The following VRK2 variants were observed in gnomAD, a reference collection of about 807,000 sequenced individuals.
VRK2 encodes VRK serine/threonine kinase 2.
In VRK2, 60 loss-of-function variants were observed where a neutral mutation model predicts 57.6. The observed-to-expected ratio is 1.04, with a 90% CI of 0.85 to 1.29. VRK2 has a LOEUF of 1.29. VRK2 is among the 50% of genes most tolerant of loss of function. VRK2 has a pLI of 0.00. For missense variants in VRK2, 705 were observed against 588.1 expected (o/e 1.20, Z -2.06); for synonymous variants, 231 against 199.2 (o/e 1.16, Z -1.35).
chr2:58,120,184 C>CTTTTTTTTTTTTTTTTTTTTTTTTTTTT lies in VRK2; in HGVS notation c.544-2893_544-2892insTTTTTTTTTTTTTTTTTTTTTTTTTTTT, dbSNP rs397868874. 6.7e-4 allele frequency among the ~76,000 whole-genome samples: 35 copies of CTTTTTTTTTTTTTTTTTTTTTTTTTTTT among 51,982 alleles called. 6 individuals carry two copies. The highest frequency in any genetic ancestry group is 2.4e-3 in the African/African-American group (23 of 9,642). The allele number at this position is 51,982 out of a possible 152,430, so 34.1% of individuals were successfully genotyped here. On this transcript the variant is annotated intron_variant, in intron 7 of 12. Coordinates refer to ENST00000340157, the MANE Select transcript of VRK2 (RefSeq NM_006296.7). Reference sequence around the variant, plus strand: ...CTTTTTGTCTATTTTTTTTTCTTTTCTTTTTTTTTTTTTTTTTTTTTTTTG... The same window carrying CTTTTTTTTTTTTTTTTTTTTTTTTTTTT: ...CTTTTTGTCTATTTTTTTTTCTTTTCTTTTTTTTTTTTTTTTTTTTTTTTTTTTTTTTTTTTTTTTTTTTTTTTTTTTG...
intron 1 of VRK2, among the ~76,000 whole-genome samples, chr2:57,989,649 G>T (rs1672703640): frequency 6.6e-6 from 1 of 152,040 alleles, no homozygotes; most frequent in South Asian, 2.1e-4. Flanking sequence ...AAACAACTAG[G>T]ACCTCTTTGT....
In VRK2 at chr2:58,122,433, TACC is replaced by T. The variant is rs765862795; in HGVS notation, c.544-667_544-665del. Among the ~76,000 whole-genome samples the T allele has an allele frequency of 4.0e-4, 61 of 152,334 alleles. 1 individual carries two copies. Among genetic ancestry groups the T allele is most frequent in the South Asian group, 1.5e-3 (7 of 4,826 alleles). ...ATTCTATAGTTACATGTATTATACA[TACC>T]GTATTCTTACAATAAAGTAAGCTAA... On this transcript the variant is annotated intron_variant, in intron 7 of 12. Coordinates refer to ENST00000340157, the MANE Select transcript of VRK2 (RefSeq NM_006296.7).
chr2:58,115,601 G>A (rs1676325945), intron 7 of VRK2, among the ~76,000 whole-genome samples: 1 of 152,170 alleles, frequency 6.6e-6, no homozygotes, highest in South Asian at 2.1e-4. Flanking sequence ...TAAGAATTCT[G>A]ACCACACTAA....
At chr2:58,069,933 A>G (rs1472044764) in intron 2 of VRK2, among the ~76,000 whole-genome samples, 3 of 152,114 alleles carry the variant, frequency 2.0e-5, no homozygotes, top group Non-Finnish European at 2.9e-5. Flanking sequence ...GTATGATACT[A>G]CTGTGAATTG....
intron 7 of VRK2, among the ~76,000 whole-genome samples, chr2:58,103,978 A>G (rs576744429): frequency 4.6e-5 from 7 of 151,936 alleles, no homozygotes; most frequent in South Asian, 2.1e-4. Context: ...AACAAAAACC[A>G]TATGATTATA....
chr2:58,139,904 G>A, intron 11 of VRK2, 72 bp downstream of exon 11: 1 of 1,466,826 alleles, frequency 6.8e-7, no homozygotes, highest in Non-Finnish European at 9.1e-7. Context: ...AATTGTTTTA[G>A]GTCTCAAAAT....
chr2:58,155,921 GT>G (rs5831489), intron 12 of VRK2, among the ~76,000 whole-genome samples: 39,463 of 138,436 alleles, frequency 0.29, 6,102 homozygotes, highest in South Asian at 0.4. Context: ...TTTCATGTTT[GT>G]TTTTTTTTTT....
chr2:58,141,077 A>G (rs1177998715), intron 11 of VRK2, among the ~76,000 whole-genome samples: 3 of 152,068 alleles, frequency 2.0e-5, no homozygotes, highest in Admixed American at 1.3e-4. Context: ...CATGTTTAAT[A>G]AAAAGCCACT....
intron 1 of VRK2, among the ~76,000 whole-genome samples, chr2:58,006,995 C>G (rs72808498): frequency 0.12 from 18,320 of 151,810 alleles, 1,259 homozygotes; most frequent in African/African-American, 0.17. Flanking sequence ...AGTACATTGT[C>G]GAAAATGAAT....
chr2:58,132,647 G>A (rs1045961734), intron 9 of VRK2, among the ~76,000 whole-genome samples: 2 of 152,070 alleles, frequency 1.3e-5, no homozygotes, highest in Admixed American at 1.3e-4. Context: ...GTTATCCACA[G>A]GTAGCAAAAG....
chr2:58,052,684 TCTA>T (rs1243820324), intron 2 of VRK2, among the ~76,000 whole-genome samples: 2 of 152,132 alleles, frequency 1.3e-5, no homozygotes, highest in Non-Finnish European at 2.9e-5. Context: ...TTCTATTTAT[TCTA>T]CTATGAATTT....
intron 1 of VRK2, among the ~76,000 whole-genome samples, chr2:57,937,267 TTACTC>T (rs1232387685): frequency 6.6e-6 from 1 of 152,184 alleles, no homozygotes; most frequent in Non-Finnish European, 1.5e-5. Context: ...TTCAGGGTCT[TTACTC>T]TGGGGTTCAT....
chr2:57,978,873 A>T (rs752977932), intron 1 of VRK2, among the ~76,000 whole-genome samples: 13 of 148,326 alleles, frequency 8.8e-5, no homozygotes, highest in Non-Finnish European at 1.8e-4. Flanking sequence ...TCAATCTTCA[A>T]CTCCCAATTA....
intron 2 of VRK2, among the ~76,000 whole-genome samples, chr2:58,057,963 C>A (rs1023109524): frequency 3.9e-5 from 6 of 151,944 alleles, no homozygotes; most frequent in Non-Finnish European, 7.4e-5. Flanking sequence ...AAAATCAACA[C>A]GTTTTGCAAA....
intron 2 of VRK2, 145 bp downstream of exon 2, chr2:58,049,112 A>C (rs1207600349): frequency 2.9e-6 from 3 of 1,051,294 alleles, no homozygotes; most frequent in Non-Finnish European, 4.0e-6. Context: ...GTAATAATAG[A>C]GTACAGTGTC....
chr2:57,988,707 A>C (rs910522081), intron 1 of VRK2, among the ~76,000 whole-genome samples: 1 of 152,104 alleles, frequency 6.6e-6, no homozygotes, highest in East Asian at 1.9e-4. Flanking sequence ...ACCTCCACCT[A>C]CTTCCACCTC....
chr2:57,991,791 C>CA (rs1205548555), intron 1 of VRK2, among the ~76,000 whole-genome samples: 20,783 of 113,908 alleles, frequency 0.18, 1,625 homozygotes, highest in African/African-American at 0.22. Flanking sequence ...ACTAAAAATA[C>CA]AAAAAAAAAA....
chr2:58,116,873 T>C (rs1676593528), intron 7 of VRK2, among the ~76,000 whole-genome samples: 1 of 152,132 alleles, frequency 6.6e-6, no homozygotes, highest in South Asian at 2.1e-4. Context: ...CTGGCACTTG[T>C]AGCAAGCTCC....
chr2:57,989,966 A>T (rs952657409), intron 1 of VRK2, among the ~76,000 whole-genome samples: 3 of 152,228 alleles, frequency 2.0e-5, no homozygotes, highest in Admixed American at 6.5e-5. Flanking sequence ...GAGGTCTGAA[A>T]TCTAACAAGC....
Sources: gnomAD v4.1 joint callset for allele counts (sites outside exome capture counted in the v4.1 genomes callset) on GRCh38, gnomAD v4.1.1 for gene constraint, MANE v1.5 for transcripts, NCBI Gene and HGNC (gene_info 2026-07-23, HGNC 2026-07-21) for gene names.